Variants in USP34 observed in about 807,000 individuals in gnomAD.
USP34 encodes ubiquitin carboxyl-terminal hydrolase 34.
Under a neutral mutation model 460.3 loss-of-function variants are expected in USP34, and 70 were observed. That is an observed-to-expected ratio of 0.15 (90% CI 0.13 to 0.19). The LOEUF is 0.19. Among genes scored for constraint, USP34 ranks in the 10% least tolerant of loss-of-function variants. The pLI is 1.00. For synonymous variants in USP34, 1,647 were observed against 1,405.3 expected, an observed-to-expected ratio of 1.17 and a Z score of -3.85; for missense variants, 3,985 against 4,236.2, an observed-to-expected ratio of 0.94 and a Z score of 1.65.
intron 6 of USP34, among the ~76,000 whole-genome samples, 194 bp downstream of exon 6, chr2:61,383,075 A>G (rs973501851): frequency 3.3e-5 from 5 of 152,234 alleles, no homozygotes; most frequent in South Asian, 2.1e-4. Context: ...AAAGTCCAAC[A>G]TAATTTACTA....
At chr2:61,213,332 A>C (rs1687320697) in intron 68 of USP34, among the ~76,000 whole-genome samples, 1 of 152,082 alleles carries the variant, frequency 6.6e-6, no homozygotes, top group Admixed American at 6.6e-5. Context: ...TTCTCTGACT[A>C]GAAATTAGGT....
At chr2:61,332,350 G>T (rs919924557) in intron 19 of USP34, among the ~76,000 whole-genome samples, 2 of 152,022 alleles carry the variant, frequency 1.3e-5, no homozygotes, top group African/African-American at 4.8e-5. Flanking sequence ...GTTCTTTTAA[G>T]TGATGTAGTT....
chr2:61,388,572 C>T (rs1049565099), intron 5 of USP34, among the ~76,000 whole-genome samples: 2 of 151,010 alleles, frequency 1.3e-5, no homozygotes, highest in South Asian at 4.2e-4. Flanking sequence ...CTAGCTAACA[C>T]GGTGAAACCC....
intron 12 of USP34, 126 bp downstream of exon 12, chr2:61,350,134 G>T: frequency 1.0e-6 from 1 of 990,724 alleles, no homozygotes; most frequent in Non-Finnish European, 1.4e-6. Context: ...CCTTTTATAT[G>T]CACTCTTCTA....
At chr2:61,427,997 T>C (rs930286856) in intron 1 of USP34, among the ~76,000 whole-genome samples, 7 of 151,966 alleles carry the variant, frequency 4.6e-5, no homozygotes, top group Non-Finnish European at 7.4e-5. Context: ...ACCCCGTCTC[T>C]ACTAAAAACA....
intron 1 of USP34, among the ~76,000 whole-genome samples, chr2:61,434,290 G>A (rs1468293381): frequency 1.3e-5 from 2 of 152,166 alleles, no homozygotes; most frequent in Non-Finnish European, 2.9e-5. Flanking sequence ...CAGCCAGGCA[G>A]CCAAGAGCCC....
intron 32 of USP34, 59 bp downstream of exon 32, chr2:61,294,890 T>C (rs372754926): frequency 2.1e-6 from 3 of 1,399,554 alleles, no homozygotes; most frequent in East Asian, 4.7e-5. Flanking sequence ...GTACCCACTT[T>C]TGAAAAACTG....
intron 1 of USP34, among the ~76,000 whole-genome samples, chr2:61,437,465 G>T (rs1025169795): frequency 6.6e-6 from 1 of 152,066 alleles, no homozygotes; most frequent in Non-Finnish European, 1.5e-5. Context: ...AATCTACTAA[G>T]ATTGAACCAA....
chr2:61,293,521 T>C lies in USP34; in HGVS notation c.4491A>G (p.Leu1497=), dbSNP rs913364792. The C allele has an allele frequency of 2.4e-5, 39 of 1,612,828 alleles. No homozygotes were observed. The highest frequency in any genetic ancestry group is 2.3e-4 in the African/African-American group (17 of 74,882). Residue 1497 remains leucine (L), a synonymous_variant, in exon 33 of 80, where the codon TTA becomes TTG. Coordinates refer to ENST00000398571, the MANE Select transcript of USP34 (RefSeq NM_014709.4). ...KFVAAGGLQQ[L]LEIFNSGILE... ...GAATTCCAGAATTAAAAATTTCTAA[T>C]AACTGTTGAAGCCCTCCAGCAGCAA...
intron 5 of USP34, among the ~76,000 whole-genome samples, chr2:61,393,897 G>GCT (rs1693432813): frequency 6.6e-6 from 1 of 152,080 alleles, no homozygotes; most frequent in Admixed American, 6.6e-5. Flanking sequence ...CAGCACTTTG[G>GCT]GAGGCCAAGG....
intron 3 of USP34, among the ~76,000 whole-genome samples, chr2:61,398,088 T>C (rs149019358): frequency 6.9e-4 from 105 of 151,802 alleles, no homozygotes; most frequent in African/African-American, 2.4e-3. Flanking sequence ...AAAGATTGCT[T>C]TTAGGTTGAG....
At chr2:61,394,581 CAA>C (rs888697990) in intron 5 of USP34, among the ~76,000 whole-genome samples, 3 of 144,506 alleles carry the variant, frequency 2.1e-5, no homozygotes, top group Middle Eastern at 3.4e-3. Context: ...TGAAAATTAG[CAA>C]AAGTTTTATG....
At chr2:61,261,094 T>C (rs1344861692) in intron 43 of USP34, among the ~76,000 whole-genome samples, 2 of 152,092 alleles carry the variant, frequency 1.3e-5, no homozygotes, top group African/African-American at 4.8e-5. Context: ...ATGGAAAAGG[T>C]AAGGCTATTC....
intron 41 of USP34, among the ~76,000 whole-genome samples, chr2:61,274,890 T>G (rs1689325960): frequency 6.6e-6 from 1 of 152,206 alleles, no homozygotes; most frequent in Admixed American, 6.5e-5. Context: ...AATCTATGTG[T>G]TAAATGTATA....
chr2:61,204,230 T>C (rs1687053997), intron 74 of USP34, 26 bp downstream of exon 74: 2 of 1,613,974 alleles, frequency 1.2e-6, no homozygotes, highest in South Asian at 1.1e-5. Flanking sequence ...TATAGCAACA[T>C]GGATTTTCCT....
chr2:61,233,306 G>C (rs1443906935), intron 57 of USP34, among the ~76,000 whole-genome samples: 2 of 151,918 alleles, frequency 1.3e-5, no homozygotes, highest in African/African-American at 4.8e-5. Flanking sequence ...AACACCACCA[G>C]GAAAATGCAA....
chr2:61,195,757 C>T (rs1686782180), intron 75 of USP34, among the ~76,000 whole-genome samples: 1 of 152,046 alleles, frequency 6.6e-6, no homozygotes, highest in Non-Finnish European at 1.5e-5. Context: ...TATATAGTGT[C>T]CCCTCTTTGC....
At chr2:61,319,082 C>CAAA in intron 22 of USP34, 91 bp downstream of exon 22, 1 of 999,986 alleles carries the variant, frequency 1.0e-6, no homozygotes, top group Non-Finnish European at 1.3e-6. Context: ...AAAAAACTGT[C>CAAA]AAAAAAAAAA....
intron 21 of USP34, among the ~76,000 whole-genome samples, chr2:61,323,548 T>C (rs987083601): frequency 7.0e-6 from 1 of 142,192 alleles, no homozygotes; most frequent in South Asian, 2.2e-4. Context: ...CCAGGTATGG[T>C]GATGTGCACC....
Sources: allele counts gnomAD v4.1 joint callset (sites outside exome capture counted in the v4.1 genomes callset), GRCh38; gene constraint gnomAD v4.1.1; transcripts MANE v1.5; gene names NCBI Gene and HGNC (gene_info 2026-07-23, HGNC 2026-07-21).